The following SULF2 variants were observed in gnomAD, a reference collection of about 807,000 sequenced individuals.
SULF2 encodes the protein sulfatase 2.
In SULF2, 52 loss-of-function variants were observed where a neutral mutation model predicts 107.7. The ratio of observed to expected loss-of-function variants is 0.48; its 90% confidence interval spans 0.39 to 0.61. The LOEUF is 0.61. Among genes scored for constraint, SULF2 ranks in the 20% least tolerant of loss-of-function variants. The pLI, the probability that SULF2 is intolerant of heterozygous loss-of-function variation, is 0.00. For missense variants in SULF2, 993 were observed against 1,177.3 expected, an observed-to-expected ratio of 0.84 and a Z score of 2.29; for synonymous variants, 460 against 464.3, an observed-to-expected ratio of 0.99 and a Z score of 0.12.
rs116517041 is a variant in SULF2, at chr20:47,767,232, T to G, written c.-100-9769A>C. ...TGCCTACAGAGTGGATGGTTTAACATGCACGGAGACTTTCAACAGATCTGT... is the reference window on the plus strand; with the variant it reads ...TGCCTACAGAGTGGATGGTTTAACAGGCACGGAGACTTTCAACAGATCTGT... On this transcript the variant is annotated intron_variant, in intron 1 of 20. Coordinates refer to ENST00000688720, the MANE Select transcript of SULF2 (RefSeq NM_001387048.1). Among the ~76,000 whole-genome samples the G allele has an allele frequency of 3.3e-5, 5 of 152,320 alleles. No individual in the cohort carries two copies. The East Asian group carries it at 9.6e-4, about 29-fold the overall frequency.
intron 15 of SULF2, among the ~76,000 whole-genome samples, chr20:47,663,858 G>A (rs1464640413): frequency 6.6e-6 from 1 of 152,208 alleles, no homozygotes; most frequent in Admixed American, 6.5e-5. Flanking sequence ...ACAGAACCAG[G>A]CAGCTACTGG....
rs142916309 is a variant in SULF2 at position 47,674,516 on chromosome 20, G to T, written c.1380+1978C>A. On this transcript the variant is annotated intron_variant, in intron 10 of 20. Transcript: ENST00000688720. Reference sequence around the variant, plus strand: ...CCCGTGATGATCATCATTACGAGGTGCCCAGGGCACATTTACTCCTGCCCG... The same window carrying T: ...CCCGTGATGATCATCATTACGAGGTTCCCAGGGCACATTTACTCCTGCCCG... Among the ~76,000 whole-genome samples the T allele has an allele frequency of 4.2e-3, 640 of 152,334 alleles. 3 individuals are homozygous for T. The highest frequency in any genetic ancestry group is 0.015 in the African/African-American group (606 of 41,582).
chr20:47,684,235 G>GA lies in SULF2; in HGVS notation c.888+195dup, dbSNP rs150739465. The GA allele has an allele frequency of 6.2e-3, 3,386 of 548,352 alleles. 116 individuals carry two copies. In the East Asian group the frequency reaches 0.066, roughly 11 times the overall value. 34.0% of individuals were successfully genotyped at this position (548,352 alleles called of 1,614,324 possible). A position where few individuals can be genotyped will look rare whatever the true frequency, so the allele number is the denominator to read the frequency against. On this transcript the variant is annotated intron_variant, in intron 6 of 20. Transcript: ENST00000688720. ...TACCGTATTGGGCAACACAGATCTAGAAAATGTTTCATGAAGGAAGAGGCT... is the reference window on the plus strand; with the variant it reads ...TACCGTATTGGGCAACACAGATCTAGAAAAATGTTTCATGAAGGAAGAGGCT...
At chr20:47,773,027 C>T (rs890515301) in intron 1 of SULF2, among the ~76,000 whole-genome samples, 3 of 152,074 alleles carry the variant, frequency 2.0e-5, no homozygotes, top group African/African-American at 7.2e-5. Context: ...CTGGACTACA[C>T]CGGAAACACC....
At chr20:47,740,768 A>C (rs6066455) in intron 2 of SULF2, among the ~76,000 whole-genome samples, 47,619 of 151,986 alleles carry the variant, frequency 0.31, 10,585 homozygotes, top group African/African-American at 0.64. Flanking sequence ...TGGCTTGGTA[A>C]AACCCGGACC....
Position 47,659,441 on chromosome 20 carries a change from C to T in SULF2, c.2540G>A (p.Arg847His), listed in dbSNP as rs139043540. ...GSYEQYRQFQ[R>H]RKWPEMKRPS... The stretch of plus-strand genomic sequence containing the variant: ...TCTCTTCATTTCTGGCCACTTTCGA[C>T]GCTGAAACTGCCTAAGTTTTCAAGT... Residue 847 changes from arginine to histidine, a missense_variant, in exon 20 of 21, where the codon CGT (arginine) becomes CAT (histidine). By Grantham distance (29) the Arg-to-His change is conservative. Around this residue, in one of 3 missense-constraint regions of SULF2, gnomAD observed 497 missense variants for 544.1 expected, o/e 0.91. Transcript: ENST00000688720. The T allele has an allele frequency of 1.4e-4, 223 of 1,614,084 alleles. No homozygotes were observed. The highest frequency in any genetic ancestry group is 1.8e-4 in the Non-Finnish European group (209 of 1,180,000).
chr20:47,758,906 T>A (rs1346520650), intron 1 of SULF2, among the ~76,000 whole-genome samples: 1 of 152,116 alleles, frequency 6.6e-6, no homozygotes, highest in Non-Finnish European at 1.5e-5. Context: ...CAGCTCAAAG[T>A]CATGACTCAG....
intron 3 of SULF2, among the ~76,000 whole-genome samples, chr20:47,731,156 C>T (rs78976047): frequency 0.073 from 10,880 of 149,312 alleles, 460 homozygotes; most frequent in East Asian, 0.2. Flanking sequence ...CCACAAGATC[C>T]GACTCTGCCT....
intron 11 of SULF2, among the ~76,000 whole-genome samples, chr20:47,671,489 G>A (rs2087468793): frequency 6.6e-6 from 1 of 152,070 alleles, no homozygotes; most frequent in Non-Finnish European, 1.5e-5. Context: ...GGCCAGGCTG[G>A]TCTTGAACTC....
intron 4 of SULF2, among the ~76,000 whole-genome samples, chr20:47,692,802 G>A (rs2146549765): frequency 6.6e-6 from 1 of 152,328 alleles, no homozygotes. Flanking sequence ...GCAATGCTGT[G>A]CAGACATTAA....
chr20:47,753,098 C>CAAAAAAAAAAAAA (rs10578438), intron 2 of SULF2, among the ~76,000 whole-genome samples: 6 of 90,670 alleles, frequency 6.6e-5, no homozygotes, highest in African/African-American at 1.8e-4. Context: ...GAGACTCTCT[C>CAAAAAAAAAAAAA]AAAAAAAAAA....
At chr20:47,658,900 A>C (rs921485287) in intron 20 of SULF2, among the ~76,000 whole-genome samples, 1 of 152,234 alleles carries the variant, frequency 6.6e-6, no homozygotes, top group Non-Finnish European at 1.5e-5. Context: ...GGCGAACCTC[A>C]GCCCATTCCT....
chr20:47,712,998 G>T (rs2088984451), intron 3 of SULF2, among the ~76,000 whole-genome samples: 2 of 151,828 alleles, frequency 1.3e-5, no homozygotes, highest in South Asian at 4.1e-4. Flanking sequence ...CCAAGATCCT[G>T]CCACTGCACT....
chr20:47,771,383 G>A (rs2090627363), intron 1 of SULF2, among the ~76,000 whole-genome samples: 1 of 148,248 alleles, frequency 6.7e-6, no homozygotes, highest in African/African-American at 2.4e-5. Flanking sequence ...TAACACATCT[G>A]CTCAGTTCTA....
At chr20:47,711,170 GC>G (rs1326831452) in intron 3 of SULF2, among the ~76,000 whole-genome samples, 2 of 152,226 alleles carry the variant, frequency 1.3e-5, no homozygotes, top group African/African-American at 4.8e-5. Flanking sequence ...TCCCCGCCAT[GC>G]CGGGCCGGCG....
intron 1 of SULF2, among the ~76,000 whole-genome samples, chr20:47,767,066 GAGT>G (rs1334150489): frequency 1.3e-5 from 2 of 152,166 alleles, no homozygotes; most frequent in African/African-American, 2.4e-5. Context: ...GGAACACGCT[GAGT>G]AGGAGGAGGG....
chr20:47,702,762 C>T, intron 3 of SULF2, 92 bp from the exon 4 acceptor site: 1 of 1,252,344 alleles, frequency 8.0e-7, no homozygotes, highest in Non-Finnish European at 1.1e-6. Context: ...GCATGCACAC[C>T]TGCTCTGCCA....
chr20:47,722,278 C>T (rs751732254), intron 3 of SULF2, among the ~76,000 whole-genome samples: 2 of 151,836 alleles, frequency 1.3e-5, no homozygotes, highest in African/African-American at 2.4e-5. Flanking sequence ...TTTTTTTATT[C>T]GTTTGAGTTG....
chr20:47,781,626 C>T (rs1004639035), intron 1 of SULF2, among the ~76,000 whole-genome samples: 1 of 152,156 alleles, frequency 6.6e-6, no homozygotes. Context: ...GTTATGGTAA[C>T]AGTCAATGCC....
Sources: gnomAD v4.1 joint callset for allele counts (sites outside exome capture counted in the v4.1 genomes callset) on GRCh38, gnomAD v4.1.1 for gene constraint, gnomAD v4.1.1 regional missense constraint, MANE v1.5 for transcripts, NCBI Gene and HGNC (gene_info 2026-07-23, HGNC 2026-07-21) for gene names.